ELMO1: variants seen among roughly 807,000 people sequenced by gnomAD.
The protein encoded by ELMO1 is engulfment and cell motility 1.
Under a neutral mutation model 98.9 loss-of-function variants are expected in ELMO1, and 26 were observed. The ratio of observed to expected loss-of-function variants is 0.26; its 90% confidence interval spans 0.19 to 0.36. ELMO1 has a LOEUF of 0.36. Ranked by LOEUF, ELMO1 falls within the 10% of genes least tolerant of loss-of-function variation. The probability of loss-of-function intolerance (pLI) is 1.00; values close to 1 mark genes in which losing one functional copy is unlikely to be tolerated. For missense variants in ELMO1, 627 were observed against 935.2 expected, an observed-to-expected ratio of 0.67 and a Z score of 4.30; for synonymous variants, 346 against 346.0, an observed-to-expected ratio of 1.00 and a Z score of 0.00.
intron 14 of ELMO1, among the ~76,000 whole-genome samples, chr7:37,097,299 A>T (rs1441819696): frequency 1.3e-5 from 2 of 152,344 alleles, no homozygotes; most frequent in African/African-American, 4.8e-5. Flanking sequence ...GCACTGCGGG[A>T]GGCCGAGGCG....
chr7:37,000,275 C>T (rs554608685), intron 16 of ELMO1, among the ~76,000 whole-genome samples: 10 of 152,188 alleles, frequency 6.6e-5, no homozygotes, highest in Non-Finnish European at 1.5e-4. Context: ...GGACAGAATC[C>T]CGTGCTCTGT....
At chr7:36,974,868 T>C (rs1174358506) in intron 16 of ELMO1, among the ~76,000 whole-genome samples, 4 of 151,090 alleles carry the variant, frequency 2.6e-5, no homozygotes, top group Non-Finnish European at 4.4e-5. Context: ...CCGGGAAGAA[T>C]GAACAACTCC....
chr7:37,002,198 A>T (rs1223443718), intron 16 of ELMO1: 1 of 152,242 alleles, frequency 6.6e-6, no homozygotes, highest in South Asian at 2.1e-4. Flanking sequence ...AGTTCTCATG[A>T]TGATGGTAAA....
intron 16 of ELMO1, among the ~76,000 whole-genome samples, chr7:36,924,177 G>C (rs1425927990): frequency 6.6e-6 from 1 of 152,190 alleles, no homozygotes; most frequent in East Asian, 1.9e-4. Flanking sequence ...AAAACATTTA[G>C]ATTTTAGACT....
chr7:36,964,016 G>A (rs968131395), intron 16 of ELMO1, among the ~76,000 whole-genome samples: 16 of 152,166 alleles, frequency 1.1e-4, no homozygotes, highest in African/African-American at 3.9e-4. Context: ...CTGTCTTGTA[G>A]TACAGTTATT....
chr7:36,951,802 T>C (rs951911351), intron 16 of ELMO1, among the ~76,000 whole-genome samples: 2 of 152,250 alleles, frequency 1.3e-5, no homozygotes, highest in Non-Finnish European at 2.9e-5. Flanking sequence ...TGCTTTTACA[T>C]GTCTTCTCTG....
At chr7:37,047,526 T>G (rs574035870) in intron 15 of ELMO1, among the ~76,000 whole-genome samples, 2 of 152,242 alleles carry the variant, frequency 1.3e-5, no homozygotes, top group Admixed American at 1.3e-4. Flanking sequence ...CTGTTCCCCA[T>G]AGAATCAATA....
chr7:36,897,974 G>A (rs957024002), intron 16 of ELMO1, among the ~76,000 whole-genome samples: 2 of 152,246 alleles, frequency 1.3e-5, no homozygotes, highest in South Asian at 4.1e-4. Flanking sequence ...TGGAGTCAAA[G>A]ACTAGCTTCA....
intron 1 of ELMO1, among the ~76,000 whole-genome samples, chr7:37,357,083 T>C (rs1801526322): frequency 6.6e-6 from 1 of 152,186 alleles, no homozygotes; most frequent in Non-Finnish European, 1.5e-5. Flanking sequence ...ATACTGCCAT[T>C]AGGTCACACC....
At chr7:37,016,324 C>T (rs1157068421) in intron 15 of ELMO1, among the ~76,000 whole-genome samples, 1 of 152,136 alleles carries the variant, frequency 6.6e-6, no homozygotes, top group Non-Finnish European at 1.5e-5. Flanking sequence ...ATTCTTGTAA[C>T]AACCCTGGAA....
At chr7:37,407,612 G>A (rs1803828028) in intron 1 of ELMO1, among the ~76,000 whole-genome samples, 2 of 152,044 alleles carry the variant, frequency 1.3e-5, no homozygotes, top group African/African-American at 4.8e-5. Flanking sequence ...TGTCATTCTG[G>A]AAAAGGCAAA....
chr7:37,291,364 CTGAT>C (rs1051672220), intron 4 of ELMO1, among the ~76,000 whole-genome samples: 3 of 152,080 alleles, frequency 2.0e-5, no homozygotes, highest in African/African-American at 7.2e-5. Context: ...AAGGACAAAT[CTGAT>C]TGATTAAAAT....
At chr7:37,091,366 G>A (rs1277195074) in intron 15 of ELMO1, among the ~76,000 whole-genome samples, 1 of 152,144 alleles carries the variant, frequency 6.6e-6, no homozygotes. Context: ...CTCGGCCGCT[G>A]AAAGTGCTGG....
chr7:37,193,624 A>G (rs1292701064), intron 13 of ELMO1, among the ~76,000 whole-genome samples: 3 of 152,182 alleles, frequency 2.0e-5, no homozygotes, highest in Non-Finnish European at 4.4e-5. Context: ...AGCACTAAAA[A>G]TAAGGCAGCA....
intron 2 of ELMO1, among the ~76,000 whole-genome samples, chr7:37,316,848 T>C (rs751885127): frequency 5.3e-5 from 8 of 152,160 alleles, no homozygotes; most frequent in Non-Finnish European, 1.0e-4. Context: ...GCTGTCTACA[T>C]ATAAGCAGGT....
At chr7:36,916,619 C>G (rs954987375) in intron 16 of ELMO1, among the ~76,000 whole-genome samples, 2 of 152,230 alleles carry the variant, frequency 1.3e-5, no homozygotes, top group African/African-American at 4.8e-5. Flanking sequence ...ATTTTACTTA[C>G]ATAGTGCCTA....
chr7:37,236,048 A>G lies in ELMO1; in HGVS notation c.450-2854T>C, dbSNP rs76814340. On this transcript the variant is annotated intron_variant, in intron 7 of 21. Transcript: ENST00000310758. ...AGTCTTCAGTAGCTCCTTTAAAAGC[A>G]AAAGATAAAGTATATTTATGTTCTC... is the stretch of plus-strand genomic sequence containing the variant. Among the ~76,000 whole-genome samples, 1,367 of 152,370 alleles carry G rather than the reference A, an allele frequency of 9.0e-3. 15 individuals carry two copies. The highest frequency in any genetic ancestry group is 0.032 in the African/African-American group (1,315 of 41,582).
chr7:37,193,336 C>T lies in ELMO1; in HGVS notation c.1086+18050G>A, dbSNP rs538267730. On this transcript the variant is annotated intron_variant, in intron 13 of 21. Coordinates refer to ENST00000310758, the MANE Select transcript of ELMO1 (RefSeq NM_014800.11). Reference sequence around the variant, plus strand: ...ATTGTATCCAACCAAGGCCCCCTGGCTCTCTATGATCTGCCTAACATTTTC... The same window carrying T: ...ATTGTATCCAACCAAGGCCCCCTGGTTCTCTATGATCTGCCTAACATTTTC... 1.2e-3 allele frequency among the ~76,000 whole-genome samples: 190 copies of T among 152,266 alleles called. 3 individuals are homozygous for T. In the South Asian group the frequency reaches 0.023, roughly 19 times the overall value.
At chr7:36,987,449 T>G (rs894632911) in intron 16 of ELMO1, among the ~76,000 whole-genome samples, 17 of 152,172 alleles carry the variant, frequency 1.1e-4, no homozygotes, top group Non-Finnish European at 2.1e-4. Context: ...AGGCACCGAT[T>G]TGGGCTTATG....
Sources: allele counts gnomAD v4.1 joint callset (sites outside exome capture counted in the v4.1 genomes callset), GRCh38; gene constraint gnomAD v4.1.1; transcripts MANE v1.5; gene names NCBI Gene and HGNC (gene_info 2026-07-23, HGNC 2026-07-21).